MRPS15: variants seen among roughly 807,000 people sequenced by gnomAD.
The protein encoded by MRPS15 is mitochondrial ribosomal protein S15, also known as small ribosomal subunit protein uS15m.
A neutral mutation model predicts 30.7 loss-of-function variants in MRPS15; 25 were observed. That is an observed-to-expected ratio of 0.81 (90% confidence interval 0.59 to 1.14). The LOEUF is 1.14. Ranked by LOEUF, MRPS15 falls within the 50% of genes most tolerant of loss-of-function variation. The pLI is 0.00. For missense variants in MRPS15, 313 were observed against 321.7 expected, an observed-to-expected ratio of 0.97 and a Z score of 0.21; for synonymous variants, 124 against 120.1, an observed-to-expected ratio of 1.03 and a Z score of -0.21.
rs2275475 is a variant in MRPS15, at chr1:36,461,345, T to C, written c.252-33A>G. On this transcript the variant is annotated intron_variant, in intron 3 of 7. Transcript: ENST00000373116. ...TAAACCACAGCAATGAGACAGACATTGGGGGAGAAGAGAGGAAAGCAATGC... is the reference window on the plus strand; with the variant it reads ...TAAACCACAGCAATGAGACAGACATCGGGGGAGAAGAGAGGAAAGCAATGC... The C allele has an allele frequency of 1.9e-6, 3 of 1,601,294 alleles. No homozygotes were observed. In the African/African-American group the frequency reaches 4.0e-5, roughly 21 times the overall value.
rs766993823 is a variant in MRPS15, at chr1:36,464,170, T to G, written c.106A>C (p.Asn36His). ...CTTCGAGGCTGCAGGCCCCACTGGT[T>G]GAAAGGAAACTTGGCGCTCCCACCG... Reference protein sequence around the residue: ...PGGGSAKFPFNQWGLQPRSLL... With the variant: ...PGGGSAKFPFHQWGLQPRSLL... The change falls in exon 1 of 8, where the codon AAC becomes CAC. Residue 36 changes from asparagine to histidine, a missense_variant. Physicochemically the swap from Asn to His is moderately conservative, Grantham distance 68 (BLOSUM62 1). Coordinates refer to ENST00000373116, the MANE Select transcript of MRPS15 (RefSeq NM_031280.4). 1 of 1,613,828 alleles carries G rather than the reference T, an allele frequency of 6.2e-7. No individual in the cohort carries two copies. The highest frequency in any genetic ancestry group is 1.3e-5 in the African/African-American group (1 of 74,936).
rs1424593699 is a variant in MRPS15, at chr1:36,464,207, G to A, written c.69C>T (p.Pro23=). Reference sequence around the variant, plus strand: ...TGGCGCTCCCACCGCCCGGCAGCCCGGGTACTAGGACCTGGGTAACTGCCC... The same window carrying A: ...TGGCGCTCCCACCGCCCGGCAGCCCAGGTACTAGGACCTGGGTAACTGCCC... ...RTRAVTQVLV[P]GLPGGGSAKF... is the part of the protein sequence containing the mutation. The change falls in exon 1 of 8, where the codon CCC becomes CCT. Residue 23 remains proline, a synonymous_variant. Coordinates refer to ENST00000373116, the MANE Select transcript of MRPS15 (RefSeq NM_031280.4). 2 of 1,614,038 alleles carry A rather than the reference G, an allele frequency of 1.2e-6. No individual in the cohort carries two copies. Among genetic ancestry groups the A allele is most frequent in the Admixed American group, 1.7e-5 (1 of 60,020 alleles).
chr1:36,458,301 T>G lies in MRPS15; in HGVS notation c.386-320A>C. On this transcript the variant is annotated intron_variant, in intron 5 of 7. Transcript: ENST00000373116. The surrounding 1 kb of genome is among the most constrained non-coding windows in gnomAD (Gnocchi z 4.5). ...TGGAGTGCAGTGGTGCGATCTCGGC[T>G]CACCGCAGCCTCTGCCTCCCAGGTT... 1 of 222,870 alleles carries G rather than the reference T, an allele frequency of 4.5e-6. No homozygotes were observed. The highest frequency in any genetic ancestry group is 9.0e-6 in the Non-Finnish European group (1 of 111,652). The allele number at this position is 222,870 out of a possible 1,614,324, so 13.8% of individuals were successfully genotyped here.
intron 5 of MRPS15, chr1:36,459,557 G>A (rs1420014246): frequency 6.6e-6 from 1 of 152,210 alleles, no homozygotes; most frequent in Non-Finnish European, 1.5e-5. Flanking sequence ...TTTTGTGGCT[G>A]AGCTGGTCCC....
intron 2 of MRPS15, 125 bp from the exon 3 acceptor site, chr1:36,462,288 C>T (rs1650114101): frequency 1.6e-6 from 1 of 644,108 alleles, no homozygotes; most frequent in Non-Finnish European, 2.7e-6. Flanking sequence ...AAGCAAAGCA[C>T]TGGATATCTC....
chr1:36,461,267 G>C lies in MRPS15; in HGVS notation c.297C>G (p.Asn99Lys), dbSNP rs148567017. 506 of 1,614,098 alleles carry C rather than the reference G, an allele frequency of 3.1e-4. 7 individuals carry two copies. The highest frequency in any genetic ancestry group is 1.3e-4 in the South Asian group (12 of 91,086). ...AGGCTTGGCAGAGGCTGCTCACCTT[G>C]TTGGCCATTTCCAAAGACAAGAGTC... is the stretch of plus-strand genomic sequence containing the variant. ...VKRLLSLEMANKKEMLKIKQE... is the reference protein window; with the variant it reads ...VKRLLSLEMAKKKEMLKIKQE... Residue 99 changes from asparagine (N) to lysine (K), a missense_variant, in exon 4 of 8, where the codon AAC (asparagine) becomes AAG (lysine). By Grantham distance (94) the Asn-to-Lys change is moderately conservative. Coordinates refer to ENST00000373116, the MANE Select transcript of MRPS15 (RefSeq NM_031280.4).
chr1:36,463,929 C>T, intron 1 of MRPS15, 79 bp from the exon 2 acceptor site: 1 of 1,544,222 alleles, frequency 6.5e-7, no homozygotes, highest in Non-Finnish European at 8.8e-7. Flanking sequence ...CCTCGCATTG[C>T]CCGTCCGCCA....
chr1:36,464,065 C>CCTACTCCTGTGCTTCCTTCTCCG, intron 1 of MRPS15, 81 bp downstream of exon 1: 1 of 1,571,892 alleles, frequency 6.4e-7, no homozygotes, highest in South Asian at 1.2e-5. Flanking sequence ...GTATATCTCC[C>CCTACTCCTGTGCTTCCTTCTCCG]CTACTCCTGT....
intron 1 of MRPS15, 92 bp from the exon 2 acceptor site, chr1:36,463,942 G>A: frequency 3.3e-6 from 5 of 1,535,572 alleles, no homozygotes; most frequent in South Asian, 1.2e-5. Flanking sequence ...GTCCGCCACG[G>A]TCTATGCGCT....
intron 2 of MRPS15, among the ~76,000 whole-genome samples, chr1:36,463,108 G>A (rs1170960266): frequency 6.6e-6 from 1 of 151,916 alleles, no homozygotes; most frequent in African/African-American, 2.4e-5. Context: ...GATTACAGGC[G>A]CGCGCTACCA....
At chr1:36,457,286 A>ATAT (rs1268035374) in intron 6 of MRPS15, among the ~76,000 whole-genome samples, 1 of 150,476 alleles carries the variant, frequency 6.6e-6, no homozygotes, top group African/African-American at 2.5e-5. Flanking sequence ...AAAAAAAAAA[A>ATAT]AAAAATATAT....
Position 36,456,214 on chromosome 1 carries a change from G to C in MRPS15, c.609C>G (p.Phe203Leu). The part of the protein sequence containing the change: ...PLYYRRAHRR[F>L]VTKKALCIRV... ...GAATGCACAGAGCCTTCTTGGTCAC[G>C]AATCGGCGGTGGGCTCTTCGGTAAT... is the stretch of plus-strand genomic sequence containing the variant. Residue 203 changes from phenylalanine (F) to leucine (L), a missense_variant, in exon 7 of 8, where the codon TTC becomes TTG. By Grantham distance (22) the Phe-to-Leu change is conservative. Transcript: ENST00000373116. 1.9e-6 allele frequency: 3 copies of C among 1,612,024 alleles called. No homozygotes were observed. Among genetic ancestry groups the C allele is most frequent in the Non-Finnish European group, 2.5e-6 (3 of 1,179,154 alleles).
At chr1:36,457,434 G>C (rs2124078451) in intron 6 of MRPS15, among the ~76,000 whole-genome samples, 1 of 152,236 alleles carries the variant, frequency 6.6e-6, no homozygotes, top group East Asian at 1.9e-4. Context: ...AAAGTCATGA[G>C]AGTCAAATAA....
chr1:36,457,855 C>G, intron 6 of MRPS15, 68 bp downstream of exon 6: 1 of 1,470,092 alleles, frequency 6.8e-7, no homozygotes, highest in South Asian at 1.1e-5. Flanking sequence ...GGACCCAGAG[C>G]CCTTCCCCTC....
chr1:36,462,219 C>CT, intron 2 of MRPS15, 56 bp from the exon 3 acceptor site: 1 of 1,359,398 alleles, frequency 7.4e-7, no homozygotes, highest in East Asian at 2.4e-5. Flanking sequence ...GCTGCCCACC[C>CT]TCCCAGACCT....
At chr1:36,461,209 G>C in intron 4 of MRPS15, 55 bp downstream of exon 4, 1 of 1,551,094 alleles carries the variant, frequency 6.4e-7, no homozygotes. Context: ...CAGGGTAGAA[G>C]GGAGTCCCAG....
At position 36,464,290 on chromosome 1, in the gene MRPS15, C is replaced by A; in HGVS notation, c.-15G>T. On this transcript the variant is annotated 5_prime_UTR_variant, in exon 1 of 8. Coordinates refer to ENST00000373116, the MANE Select transcript of MRPS15 (RefSeq NM_031280.4). ...ACCCTCAGCATGGTGACCTCTAACC[C>A]CCGCGGGGCCCGCGCCGCGGCCGCC... 6.3e-7 allele frequency: 1 copy of A among 1,596,940 alleles called. No homozygotes were observed. Among genetic ancestry groups the A allele is most frequent in the Non-Finnish European group, 8.5e-7 (1 of 1,172,598 alleles).
At position 36,456,298 on chromosome 1, in the gene MRPS15, ATAGT is replaced by A; in HGVS notation, c.521_524del (p.Asn174MetfsTer30). On this transcript the variant is annotated frameshift_variant, in exon 7 of 8. Transcript: ENST00000373116. LOFTEE classifies it high-confidence loss of function. Reference sequence around the variant, plus strand: ...CCCAGCATATCTTCTCAAAGACATCATAGTTGGTGTTACGGAGGTTTTTGAGCAT... The same window carrying A: ...CCCAGCATATCTTCTCAAAGACATCATGGTGTTACGGAGGTTTTTGAGCAT... 1.3e-5 allele frequency: 21 copies of A among 1,614,190 alleles called. No individual in the cohort carries two copies. Among genetic ancestry groups the A allele is most frequent in the Non-Finnish European group, 1.8e-5 (21 of 1,180,030 alleles).
Position 36,464,332 on chromosome 1 carries a change from G to T in MRPS15, c.-57C>A, listed in dbSNP as rs1401214008. 2 of 1,580,422 alleles carry T rather than the reference G, an allele frequency of 1.3e-6. No homozygotes were observed. Among genetic ancestry groups the T allele is most frequent in the Non-Finnish European group, 1.7e-6 (2 of 1,162,898 alleles). ...GCGGCCGCCGTTCGCTTTGCGGCAC[G>T]GACCGGGTTACATGGGCGCCGCCAT... On this transcript the variant is annotated 5_prime_UTR_variant, in exon 1 of 8. Coordinates refer to ENST00000373116, the MANE Select transcript of MRPS15 (RefSeq NM_031280.4).
Sources: allele counts gnomAD v4.1 joint callset (sites outside exome capture counted in the v4.1 genomes callset), GRCh38; gene constraint gnomAD v4.1.1; non-coding constraint Gnocchi (gnomAD v3.1); transcripts MANE v1.5; gene names NCBI Gene and HGNC (gene_info 2026-07-23, HGNC 2026-07-21).